Variants in KLF8 observed in about 807,000 individuals in gnomAD.
KLF8 encodes the protein Krueppel-like factor 8.
A neutral mutation model predicts 18.2 loss-of-function variants in KLF8; 10 were observed. The ratio of observed to expected loss-of-function variants is 0.55; its 90% CI spans 0.34 to 0.93. The LOEUF (loss-of-function observed/expected upper bound fraction) is 0.93, where lower values mean the gene tolerates loss of function less well. Ranked by LOEUF, KLF8 falls within the 40% of genes least tolerant of loss-of-function variation. KLF8 has a pLI of 0.02. For synonymous variants in KLF8, 109 were observed against 97.3 expected (o/e 1.12, Z -0.71); for missense variants, 264 against 277.9 (o/e 0.95, Z 0.36).
In KLF8 at chrX:56,270,152, G is replaced by A. The variant is rs767822758; in HGVS notation, c.759-30G>A. 1.6e-5 allele frequency: 19 copies of A among 1,174,208 alleles called. No homozygotes were observed. In the Admixed American group the frequency reaches 4.5e-4, roughly 28 times the overall value. On this transcript the variant is annotated intron_variant, in intron 4 of 5. Coordinates refer to ENST00000468660, the MANE Select transcript of KLF8 (RefSeq NM_007250.5). ...TTTTAGCCTTCACTTTAAAGTCACT[G>A]TTTGGCTTTATCTCTATTTCTTTGA...
chrX:56,229,852 T>C (rs1471196995), upstream of KLF8, among the ~76,000 whole-genome samples: 1 of 112,016 alleles, frequency 8.9e-6, no homozygotes, highest in Non-Finnish European at 1.9e-5. Flanking sequence ...AAAGCACAGG[T>C]GCTCAATACA....
At chrX:55,978,211 C>T in the KLF8 span, among the ~76,000 whole-genome samples, 12 of 110,862 alleles carry the variant, frequency 1.1e-4, no homozygotes, top group African/African-American at 3.9e-4. Context: ...CGTTTTGTGG[C>T]TTTTCAATTA....
chrX:56,148,520 T>C, the KLF8 span, among the ~76,000 whole-genome samples: 27 of 111,702 alleles, frequency 2.4e-4, no homozygotes, highest in African/African-American at 8.8e-4. Flanking sequence ...GAAAACATGA[T>C]AATGGCTCTG....
chrX:56,032,022 T>C, the KLF8 span, among the ~76,000 whole-genome samples: 1 of 110,926 alleles, frequency 9.0e-6, no homozygotes, highest in South Asian at 3.9e-4. Context: ...ATAACATCGG[T>C]TGCTAGGTCA....
the KLF8 span, among the ~76,000 whole-genome samples, chrX:55,973,027 T>C: frequency 1.8e-5 from 2 of 112,315 alleles, no homozygotes; most frequent in South Asian, 7.3e-4. Context: ...AACAGACCAA[T>C]GGAGCAGATT....
chrX:56,271,288 A>G (rs2067054789), intron 5 of KLF8, among the ~76,000 whole-genome samples: 1 of 111,278 alleles, frequency 9.0e-6, no homozygotes, highest in Non-Finnish European at 1.9e-5. Flanking sequence ...TTGTTAAAGA[A>G]AAGCAAAAAA....
At chrX:55,946,037 T>C in the KLF8 span, among the ~76,000 whole-genome samples, 2 of 111,652 alleles carry the variant, frequency 1.8e-5, no homozygotes, top group African/African-American at 6.5e-5. Context: ...GAAGAATCAA[T>C]ATCATGAAAA....
the KLF8 span, among the ~76,000 whole-genome samples, chrX:55,946,948 C>T: frequency 8.9e-6 from 1 of 111,805 alleles, no homozygotes; most frequent in Admixed American, 9.5e-5. Flanking sequence ...TACCATCTCA[C>T]ACCAGTTAGA....
chrX:56,182,929 G>C, the KLF8 span, among the ~76,000 whole-genome samples: 1 of 112,460 alleles, frequency 8.9e-6, no homozygotes, highest in Admixed American at 9.4e-5. Flanking sequence ...GGACCCACTT[G>C]AGGAGGCAGT....
In KLF8 at chrX:56,285,716, CAGATTGCA is replaced by C. The variant is rs2067261110; in HGVS notation, c.*1223_*1230del. 9.0e-6 allele frequency: 1 copy of C among 111,595 alleles called. No homozygotes were observed. Among genetic ancestry groups the C allele is most frequent in the Non-Finnish European group, 1.9e-5 (1 of 53,100 alleles). The allele number at this position is 111,595 out of a possible 1,213,427, so 9.2% of individuals were successfully genotyped here. On this transcript the variant is annotated 3_prime_UTR_variant, in exon 6 of 6. Transcript: ENST00000468660. The stretch of plus-strand genomic sequence containing the variant: ...CTAAGCCATTTATTTTAGCTGATAG[CAGATTGCA>C]TAATATACTCATTTAGCTGCCCAAT...
At chrX:56,185,053 G>C in the KLF8 span, among the ~76,000 whole-genome samples, 1 of 112,491 alleles carries the variant, frequency 8.9e-6, no homozygotes, top group African/African-American at 3.2e-5. Context: ...AGAGAAGAAG[G>C]CTTCAGACAA....
rs774169889 is a variant in KLF8 at position 56,258,227 on chromosome X, A to C, written c.82-6953A>C. On this transcript the variant is annotated intron_variant, in intron 2 of 5. Coordinates refer to ENST00000468660, the MANE Select transcript of KLF8 (RefSeq NM_007250.5). ...ATAAAAATCTATTGTACTTGTAATAAAAAATACTCTATGAAATGTCATTGA... is the reference window on the plus strand; with the variant it reads ...ATAAAAATCTATTGTACTTGTAATACAAAATACTCTATGAAATGTCATTGA... Among the ~76,000 whole-genome samples the C allele has an allele frequency of 8.0e-5, 9 of 112,604 alleles. No homozygotes were observed. The East Asian group carries it at 2.5e-3, about 31-fold the overall frequency.
the KLF8 span, among the ~76,000 whole-genome samples, chrX:55,939,661 C>T: frequency 9.0e-6 from 1 of 110,857 alleles, no homozygotes; most frequent in Non-Finnish European, 1.9e-5. Flanking sequence ...AGAGAAGAAC[C>T]AAATAGACAC....
At chrX:55,947,049 C>G in the KLF8 span, among the ~76,000 whole-genome samples, 3 of 111,427 alleles carry the variant, frequency 2.7e-5, no homozygotes, top group Admixed American at 9.5e-5. Context: ...GGACTGTAAA[C>G]TAGTTCAACT....
the KLF8 span, among the ~76,000 whole-genome samples, chrX:56,098,713 T>C: frequency 1.8e-5 from 2 of 111,019 alleles, no homozygotes; most frequent in African/African-American, 6.6e-5. Flanking sequence ...TGAATCAACA[T>C]AGCATTGGAA....
At chrX:56,176,992 G>T in the KLF8 span, among the ~76,000 whole-genome samples, 16 of 111,015 alleles carry the variant, frequency 1.4e-4, no homozygotes, top group Non-Finnish European at 2.1e-4. Flanking sequence ...GTTATTCTAG[G>T]TAGCCATTCG....
At chrX:55,992,097 G>A in the KLF8 span, among the ~76,000 whole-genome samples, 2 of 112,356 alleles carry the variant, frequency 1.8e-5, no homozygotes, top group Non-Finnish European at 3.8e-5. Context: ...TGCAGAAGAT[G>A]TTTAATTAAT....
Position 56,235,268 on chromosome X carries a change from A to C in KLF8, c.7+1927A>C, listed in dbSNP as rs147598982. Among the ~76,000 whole-genome samples the C allele has an allele frequency of 4.2e-3, 453 of 107,690 alleles. 5 individuals carry two copies. The highest frequency in any genetic ancestry group is 0.015 in the African/African-American group (437 of 29,475). The allele number at this position is 107,690 out of a possible 115,157, so 93.5% of individuals were successfully genotyped here. The stretch of plus-strand genomic sequence containing the variant: ...GCCATGATTTTGTGAATGAAGGAAA[A>C]CTTAATTAGGATGATTGACATAGAT... On this transcript the variant is annotated intron_variant, in intron 1 of 5. Coordinates refer to ENST00000468660, the MANE Select transcript of KLF8 (RefSeq NM_007250.5).
At chrX:55,981,780 C>A in the KLF8 span, among the ~76,000 whole-genome samples, 3 of 111,353 alleles carry the variant, frequency 2.7e-5, no homozygotes, top group South Asian at 1.1e-3. Flanking sequence ...GCTGCACAGG[C>A]CGAACAATGA....
Sources: allele counts gnomAD v4.1 joint callset (sites outside exome capture counted in the v4.1 genomes callset), GRCh38; gene constraint gnomAD v4.1.1; transcripts MANE v1.5; gene names NCBI Gene and HGNC (gene_info 2026-07-23, HGNC 2026-07-21).